The following FREM3 variants were observed in gnomAD, a reference collection of about 807,000 sequenced individuals.
The protein encoded by FREM3 is FRAS1-related extracellular matrix protein 3.
Under a neutral mutation model 129.1 loss-of-function variants are expected in FREM3, and 105 were observed. The ratio of observed to expected loss-of-function variants is 0.81; its 90% CI spans 0.69 to 0.96. The LOEUF is 0.96. Ranked by LOEUF, FREM3 falls within the 40% of genes least tolerant of loss-of-function variation. The pLI, the probability that FREM3 is intolerant of heterozygous loss-of-function variation, is 0.00. For missense variants in FREM3, 2,593 were observed against 2,666.3 expected (o/e 0.97, Z 0.61); for synonymous variants, 1,014 against 1,044.9 (o/e 0.97, Z 0.57).
chr4:143,699,590 G>A lies in FREM3; in HGVS notation c.1086C>T (p.Tyr362=), dbSNP rs1462201880. 26 of 1,532,664 alleles carry A rather than the reference G, an allele frequency of 1.7e-5. No homozygotes were observed. Among genetic ancestry groups the A allele is most frequent in the Non-Finnish European group, 2.3e-5 (26 of 1,144,002 alleles). 94.9% of individuals were successfully genotyped at this position (1,532,664 alleles called of 1,614,324 possible). ...CTAGAGGGTCGTCGGTGCTGACCAC[G>A]TAGCCCTGTTGCCCCGGGTGCCCTG... is the stretch of plus-strand genomic sequence containing the variant. ...HPPGHPGQQG[Y]VVSTDDPLGL... The change falls in exon 1 of 8, where the codon TAC becomes TAT. Residue 362 remains tyrosine (Y), a synonymous_variant. Transcript: ENST00000329798. The surrounding 1 kb of genome is among the most constrained non-coding windows in gnomAD (Gnocchi z 4.2).
chr4:143,586,275 G>A lies in FREM3; in HGVS notation c.6029-282C>T, dbSNP rs573847635. The stretch of plus-strand genomic sequence containing the variant: ...TAAGAACTTTCCATTACATAGAAGA[G>A]ATTTTCCTATTAGGGAAAATTGGCC... On this transcript the variant is annotated intron_variant, in intron 6 of 7. Transcript: ENST00000329798. 1.6e-4 allele frequency among the ~76,000 whole-genome samples: 25 copies of A among 152,270 alleles called. 1 individual carries two copies. The South Asian group carries it at 5.2e-3, about 32-fold the overall frequency.
chr4:143,621,040 G>A lies in FREM3; in HGVS notation c.5776C>T (p.Gln1926Ter). 6.5e-7 allele frequency: 1 copy of A among 1,537,356 alleles called. No homozygotes were observed. Among genetic ancestry groups the A allele is most frequent in the African/African-American group, 1.4e-5 (1 of 73,140 alleles). Reference protein sequence around the residue: ...QELIVICSTRQGSATGTISST... With the variant: ...QELIVICSTR ...AGGACCCCACAGAGCCTCATACCTT[G>A]ACGTGTGGAGCAAATGACGATTAGT... The change falls in exon 5 of 8, where the codon CAA becomes TAA. Residue 1926 changes from glutamine to a stop codon, truncating the protein, a stop_gained. Transcript: ENST00000329798. LOFTEE classifies it high-confidence loss of function.
chr4:143,640,876 G>A (rs531711455), intron 2 of FREM3, among the ~76,000 whole-genome samples: 38 of 152,204 alleles, frequency 2.5e-4, no homozygotes, highest in Middle Eastern at 3.4e-3. Context: ...TGACTTACAT[G>A]TCCGTAGTAT....
intron 6 of FREM3, among the ~76,000 whole-genome samples, chr4:143,596,780 A>G (rs888740705): frequency 6.6e-6 from 1 of 151,968 alleles, no homozygotes; most frequent in Non-Finnish European, 1.5e-5. Context: ...ATAAAAAAAT[A>G]AAGAAATAAT....
chr4:143,691,081 A>AG (rs1740458297), intron 2 of FREM3, among the ~76,000 whole-genome samples: 1 of 152,196 alleles, frequency 6.6e-6, no homozygotes, highest in Non-Finnish European at 1.5e-5. Context: ...CCTGGATCTA[A>AG]GGGAAAAAAA....
rs1031844341 is a variant in FREM3 at position 143,593,108 on chromosome 4, T to C, written c.6029-7115A>G. Among the ~76,000 whole-genome samples the C allele has an allele frequency of 1.4e-4, 22 of 152,260 alleles. 1 individual carries two copies. Among genetic ancestry groups the C allele is most frequent in the Non-Finnish European group, 4.4e-5 (3 of 68,044 alleles). On this transcript the variant is annotated intron_variant, in intron 6 of 7. Transcript: ENST00000329798. ...CCATCAGGTCCTTTAAGGACTTCTCTGCATTGGTTATTCTAGTTATCCATT... is the reference window on the plus strand; with the variant it reads ...CCATCAGGTCCTTTAAGGACTTCTCCGCATTGGTTATTCTAGTTATCCATT...
chr4:143,593,523 A>G (rs1382801119), intron 6 of FREM3, among the ~76,000 whole-genome samples: 1 of 152,144 alleles, frequency 6.6e-6, no homozygotes, highest in East Asian at 1.9e-4. Context: ...TTGCCTGGGT[A>G]TCAGCAGCGG....
Position 143,698,746 on chromosome 4 carries a change from C to G in FREM3, c.1930G>C (p.Glu644Gln). Residue 644 changes from glutamate to glutamine, a missense_variant, in exon 1 of 8, where the codon GAG becomes CAG. Transcript: ENST00000329798. Reference sequence around the variant, plus strand: ...TCCATTATGTCTCTCTGTAGCCACTCAGTCACCACTTTCTCATAAAGCCCT... The same window carrying G: ...TCCATTATGTCTCTCTGTAGCCACTGAGTCACCACTTTCTCATAAAGCCCT... ...KEGLYEKVVT[E>Q]WLQRDIMEGR... 6.5e-7 allele frequency: 1 copy of G among 1,537,474 alleles called. No individual in the cohort carries two copies. The highest frequency in any genetic ancestry group is 8.7e-7 in the Non-Finnish European group (1 of 1,146,984).
intron 2 of FREM3, among the ~76,000 whole-genome samples, chr4:143,640,981 T>C (rs1253635718): frequency 1.3e-5 from 2 of 152,176 alleles, no homozygotes; most frequent in African/African-American, 4.8e-5. Flanking sequence ...TGATTGGCAT[T>C]AAAATTAGAT....
intron 6 of FREM3, among the ~76,000 whole-genome samples, chr4:143,608,939 A>C (rs1738710376): frequency 6.6e-6 from 1 of 152,200 alleles, no homozygotes; most frequent in South Asian, 2.1e-4. Flanking sequence ...GTTCATGACA[A>C]AATTTTAATG....
In FREM3 at chr4:143,624,270, G is replaced by A; in HGVS notation, c.5491C>T (p.Gln1831Ter). The A allele has an allele frequency of 6.5e-7, 1 of 1,536,968 alleles. No individual in the cohort carries two copies. Among genetic ancestry groups the A allele is most frequent in the Non-Finnish European group, 8.7e-7 (1 of 1,146,754 alleles). ...DFKWKTNKQI[Q>*]FNPGQTTATW... ...GCTGTAGTCTGTCCAGGATTGAACT[G>A]GATCTGTTTATTGGTCTTCCATTTG... is the stretch of plus-strand genomic sequence containing the variant. The change falls in exon 4 of 8, where the codon CAG (glutamine) becomes TAG (stop). Residue 1831 changes from glutamine (Q) to a stop codon, truncating the protein, a stop_gained. Coordinates refer to ENST00000329798, the MANE Select transcript of FREM3 (RefSeq NM_001168235.2). LOFTEE classifies it high-confidence loss of function.
chr4:143,593,285 C>T (rs1225966308), intron 6 of FREM3, among the ~76,000 whole-genome samples: 14 of 152,206 alleles, frequency 9.2e-5, no homozygotes, highest in Admixed American at 4.6e-4. Flanking sequence ...TGAGGAGCTG[C>T]GTTCCTTTGG....
At chr4:143,680,693 G>A (rs34585546) in intron 2 of FREM3, among the ~76,000 whole-genome samples, 38,042 of 151,916 alleles carry the variant, frequency 0.25, 5,729 homozygotes, top group South Asian at 0.33. Flanking sequence ...TGAATCAGGC[G>A]TGAAAATTTT....
chr4:143,650,483 T>C (rs980652), intron 2 of FREM3, among the ~76,000 whole-genome samples: 76,199 of 151,958 alleles, frequency 0.5, 19,913 homozygotes, highest in East Asian at 0.72. Flanking sequence ...GAACATGGAA[T>C]TGCTACTTAC....
At chr4:143,632,738 G>T (rs560236632) in intron 2 of FREM3, among the ~76,000 whole-genome samples, 1 of 152,112 alleles carries the variant, frequency 6.6e-6, no homozygotes, top group South Asian at 2.1e-4. Flanking sequence ...TGGCTTCCCT[G>T]GGCCACATTG....
At position 143,644,595 on chromosome 4, in the gene FREM3, T is replaced by C. The variant is rs185129743; in HGVS notation, c.5276-16835A>G. Reference sequence around the variant, plus strand: ...AGGTTGTTTCCAGTCTTTAGATCAATAACTTTGAGTATAGTAATAATTATA... The same window carrying C: ...AGGTTGTTTCCAGTCTTTAGATCAACAACTTTGAGTATAGTAATAATTATA... On this transcript the variant is annotated intron_variant, in intron 2 of 7. Transcript: ENST00000329798. Among the ~76,000 whole-genome samples the C allele has an allele frequency of 6.6e-4, 101 of 152,296 alleles. 1 individual carries two copies. The highest frequency in any genetic ancestry group is 2.3e-3 in the African/African-American group (94 of 41,566).
At chr4:143,603,445 C>T (rs1326712910) in intron 6 of FREM3, among the ~76,000 whole-genome samples, 1 of 152,144 alleles carries the variant, frequency 6.6e-6, no homozygotes, top group East Asian at 1.9e-4. Flanking sequence ...TTTCTTTTCT[C>T]CCAGTTGTCT....
At chr4:143,587,104 G>T (rs1384431871) in intron 6 of FREM3, among the ~76,000 whole-genome samples, 1 of 152,174 alleles carries the variant, frequency 6.6e-6, no homozygotes, top group Non-Finnish European at 1.5e-5. Flanking sequence ...TAGTAAAACT[G>T]CAAGACCTCT....
chr4:143,678,443 T>G lies in FREM3; in HGVS notation c.5275+14670A>C, dbSNP rs558633036. 4.7e-4 allele frequency among the ~76,000 whole-genome samples: 72 copies of G among 152,138 alleles called. 1 individual carries two copies. The East Asian group carries it at 0.012, about 24-fold the overall frequency. The stretch of plus-strand genomic sequence containing the variant: ...CATTAGGAGATATATCTAATGTAAA[T>G]GATGAGTTAATGGGTGCAGCACATC... On this transcript the variant is annotated intron_variant, in intron 2 of 7. Coordinates refer to ENST00000329798, the MANE Select transcript of FREM3 (RefSeq NM_001168235.2).
Sources: allele counts gnomAD v4.1 joint callset (sites outside exome capture counted in the v4.1 genomes callset), GRCh38; gene constraint gnomAD v4.1.1; non-coding constraint Gnocchi (gnomAD v3.1); transcripts MANE v1.5; gene names NCBI Gene and HGNC (gene_info 2026-07-23, HGNC 2026-07-21).